Variants in PEAK1 observed in about 807,000 individuals in gnomAD.
The protein encoded by PEAK1 is pseudopodium enriched atypical kinase 1.
PEAK1 carries 54 observed loss-of-function variants against 124.7 expected under a neutral mutation model. The ratio of observed to expected loss-of-function variants is 0.43; its 90% CI spans 0.35 to 0.54. PEAK1 has a LOEUF of 0.54. Among genes scored for constraint, PEAK1 ranks in the 20% least tolerant of loss-of-function variants. The probability of loss-of-function intolerance (pLI) is 0.01; values close to 1 mark genes in which losing one functional copy is unlikely to be tolerated. For missense variants in PEAK1, 2,046 were observed against 2,134.5 expected (o/e 0.96, Z 0.82); for synonymous variants, 719 against 760.0 (o/e 0.95, Z 0.89).
At chr15:77,124,067 T>C (rs12913548) in intron 9 of PEAK1, among the ~76,000 whole-genome samples, 11,658 of 152,332 alleles carry the variant, frequency 0.077, 556 homozygotes, top group Non-Finnish European at 0.1. Flanking sequence ...GTGTCTGGCA[T>C]TCACCCCAAT....
intron 2 of PEAK1, chr15:77,346,384 A>G (rs1355883049): frequency 2.0e-6 from 2 of 984,706 alleles, no homozygotes; most frequent in East Asian, 2.3e-4. Flanking sequence ...CCAGACAGAA[A>G]AATGTTTATG....
chr15:77,105,317 GGTGTGTGT>G (rs67540842), downstream of PEAK1: 39,628 of 145,028 alleles, frequency 0.27, 5,868 homozygotes, highest in Non-Finnish European at 0.36. Context: ...GCCATTAGTT[GGTGTGTGT>G]GTGTGTGTGT....
intron 8 of PEAK1, among the ~76,000 whole-genome samples, chr15:77,144,435 G>A (rs188189954): frequency 3.9e-4 from 60 of 152,260 alleles, no homozygotes; most frequent in Admixed American, 3.1e-3. Flanking sequence ...AGCACTTTTT[G>A]CTTTACTAAA....
At chr15:77,261,866 C>T (rs1596972112) in intron 5 of PEAK1, among the ~76,000 whole-genome samples, 1 of 152,050 alleles carries the variant, frequency 6.6e-6, no homozygotes, top group Admixed American at 6.6e-5. Context: ...AGAGAAAGGT[C>T]GGGTTACCCA....
chr15:77,251,247 G>A (rs1170781679), intron 6 of PEAK1, among the ~76,000 whole-genome samples: 1 of 152,122 alleles, frequency 6.6e-6, no homozygotes, highest in African/African-American at 2.4e-5. Flanking sequence ...AGGACTAAGA[G>A]GATTTAAGAA....
At chr15:77,162,493 CAAAAAAAAAA>C (rs71143393) in intron 7 of PEAK1, among the ~76,000 whole-genome samples, 5 of 70,438 alleles carry the variant, frequency 7.1e-5, no homozygotes, top group African/African-American at 2.9e-4. Context: ...GACTCCATCT[CAAAAAAAAAA>C]AAAAAAAAAA....
chr15:77,372,317 A>T (rs1394927112), intron 1 of PEAK1, among the ~76,000 whole-genome samples: 1 of 152,248 alleles, frequency 6.6e-6, no homozygotes, highest in African/African-American at 2.4e-5. Context: ...ATAAAAGATG[A>T]CAGGCAACAA....
intron 2 of PEAK1, chr15:77,348,030 G>C: frequency 1.0e-6 from 1 of 985,170 alleles, no homozygotes; most frequent in Non-Finnish European, 1.2e-6. Context: ...CCCAAACTAT[G>C]CACATGGCTA....
chr15:77,379,166 T>C (rs886551186), intron 1 of PEAK1, among the ~76,000 whole-genome samples: 1 of 152,246 alleles, frequency 6.6e-6, no homozygotes, highest in Non-Finnish European at 1.5e-5. Context: ...TCTGAAGTTA[T>C]ACATTTTCTC....
At chr15:77,394,855 A>C (rs1180274953) in intron 1 of PEAK1, among the ~76,000 whole-genome samples, 1 of 152,224 alleles carries the variant, frequency 6.6e-6, no homozygotes, top group African/African-American at 2.4e-5. Flanking sequence ...TCAAACATAT[A>C]ATTCAAAATA....
intron 1 of PEAK1, chr15:77,403,353 A>G (rs1184131189): frequency 2.1e-6 from 2 of 932,250 alleles, no homozygotes; most frequent in Non-Finnish European, 1.3e-6. Context: ...TTTTAGAAAT[A>G]TATTTATTTA....
chr15:77,165,566 A>C (rs2056033374), intron 7 of PEAK1, among the ~76,000 whole-genome samples: 1 of 152,100 alleles, frequency 6.6e-6, no homozygotes, highest in South Asian at 2.1e-4. Flanking sequence ...GAAGCAAGTC[A>C]GTGCACCTTT....
intron 5 of PEAK1, among the ~76,000 whole-genome samples, chr15:77,274,117 A>T (rs1321885287): frequency 6.6e-6 from 1 of 152,230 alleles, no homozygotes; most frequent in Non-Finnish European, 1.5e-5. Flanking sequence ...CCTTATACAA[A>T]AATCCACTCG....
intron 9 of PEAK1, among the ~76,000 whole-genome samples, chr15:77,119,238 C>T (rs950787759): frequency 1.3e-5 from 2 of 152,210 alleles, no homozygotes; most frequent in African/African-American, 4.8e-5. Context: ...GAAATGCCCG[C>T]TTGAGCTATT....
intron 6 of PEAK1, among the ~76,000 whole-genome samples, chr15:77,233,167 C>T (rs2152899260): frequency 6.6e-6 from 1 of 152,300 alleles, no homozygotes; most frequent in South Asian, 2.1e-4. Context: ...TCCGGTTTCC[C>T]TCTAAGTACC....
intron 2 of PEAK1, among the ~76,000 whole-genome samples, chr15:77,355,174 A>G (rs2067442558): frequency 6.6e-6 from 1 of 152,226 alleles, no homozygotes; most frequent in Non-Finnish European, 1.5e-5. Flanking sequence ...ACAGGGATTT[A>G]TAACGGAAAG....
chr15:77,349,255 GGT>G (rs2067064099), intron 2 of PEAK1: 1 of 525,002 alleles, frequency 1.9e-6, no homozygotes, highest in Non-Finnish European at 2.4e-6. Context: ...TACCCAGGAT[GGT>G]CTCGATCTTC....
intron 6 of PEAK1, among the ~76,000 whole-genome samples, chr15:77,193,505 C>T (rs1259627427): frequency 3.3e-5 from 5 of 152,162 alleles, no homozygotes; most frequent in East Asian, 1.9e-4. Flanking sequence ...ACGTGTCCAC[C>T]GCTCTTTTAA....
At chr15:77,216,005 T>C (rs1248643445) in intron 6 of PEAK1, among the ~76,000 whole-genome samples, 1 of 152,210 alleles carries the variant, frequency 6.6e-6, no homozygotes, top group African/African-American at 2.4e-5. Context: ...GTCTTCCAAC[T>C]TTATCAAAAT....
Sources: allele counts gnomAD v4.1 joint callset (sites outside exome capture counted in the v4.1 genomes callset), GRCh38; gene constraint gnomAD v4.1.1; transcripts MANE v1.5; gene names NCBI Gene and HGNC (gene_info 2026-07-23, HGNC 2026-07-21).